FHOD3: variants seen among roughly 807,000 people sequenced by gnomAD.
FHOD3 encodes FH1/FH2 domain-containing protein 3.
In FHOD3, 90 loss-of-function variants were observed where a neutral mutation model predicts 173.0. The observed-to-expected ratio is 0.52, with a 90% CI of 0.44 to 0.62. The LOEUF is 0.62. FHOD3 is among the 20% of genes least tolerant of loss of function. FHOD3 has a pLI of 0.00. For synonymous variants in FHOD3, 828 were observed against 823.0 expected (o/e 1.01, Z -0.10); for missense variants, 1,945 against 2,034.7 (o/e 0.96, Z 0.85).
At chr18:36,522,525 A>G (rs1001373833) in intron 5 of FHOD3, among the ~76,000 whole-genome samples, 2 of 152,264 alleles carry the variant, frequency 1.3e-5, no homozygotes, top group South Asian at 2.1e-4. Flanking sequence ...GATAAAATAC[A>G]TGCAAATATG....
chr18:36,717,951 G>A lies in FHOD3; in HGVS notation c.2653G>A (p.Glu885Lys), dbSNP rs750988072. Residue 885 changes from glutamate (E) to lysine (K), a missense_variant, in exon 19 of 29, where the codon GAG becomes AAG. Coordinates refer to ENST00000590592, the MANE Select transcript of FHOD3 (RefSeq NM_001281740.3). ...CCATAACAGGAAGTCTCCGGATGAT[G>A]AGGAGAAGGGGGATGGGGAGGCTGG... is the stretch of plus-strand genomic sequence containing the variant. ...YAHNRKSPDD[E>K]EKGDGEAGRT... 6 of 1,614,078 alleles carry A rather than the reference G, an allele frequency of 3.7e-6. No individual in the cohort carries two copies. In the Admixed American group the frequency reaches 8.3e-5, roughly 22 times the overall value.
At chr18:36,491,920 A>G (rs577906745) in intron 3 of FHOD3, among the ~76,000 whole-genome samples, 1 of 152,324 alleles carries the variant, frequency 6.6e-6, no homozygotes, top group East Asian at 1.9e-4. Flanking sequence ...AGTTTTAGCC[A>G]TTATGAATAT....
intron 5 of FHOD3, among the ~76,000 whole-genome samples, chr18:36,566,666 G>T (rs1049892959): frequency 2.6e-5 from 4 of 152,166 alleles, no homozygotes; most frequent in Non-Finnish European, 4.4e-5. Context: ...CATCAAAGGC[G>T]GGAGACCAGC....
intron 3 of FHOD3, among the ~76,000 whole-genome samples, chr18:36,456,033 A>G (rs542605596): frequency 1.3e-3 from 197 of 152,186 alleles, no homozygotes; most frequent in South Asian, 4.8e-3. Flanking sequence ...GTCCCCTGAC[A>G]TTTACATCTA....
At chr18:36,652,490 G>A (rs2036126354) in intron 11 of FHOD3, 80 bp from the exon 12 acceptor site, 1 of 1,439,468 alleles carries the variant, frequency 6.9e-7, no homozygotes, top group Middle Eastern at 2.6e-4. Flanking sequence ...CTTTTTGCCT[G>A]TCTCTCTTTT....
intron 5 of FHOD3, among the ~76,000 whole-genome samples, chr18:36,568,414 T>C (rs2058347686): frequency 1.6e-5 from 2 of 127,806 alleles, no homozygotes; most frequent in Admixed American, 8.4e-5. Flanking sequence ...AGGAATATAA[T>C]GGAGAAGGAG....
intron 3 of FHOD3, among the ~76,000 whole-genome samples, chr18:36,489,544 C>T (rs770777416): frequency 6.6e-6 from 1 of 152,084 alleles, no homozygotes; most frequent in African/African-American, 2.4e-5. Context: ...TGGTGGTAGA[C>T]ACCTGTGGTC....
intron 5 of FHOD3, among the ~76,000 whole-genome samples, chr18:36,548,532 G>C (rs1381492032): frequency 3.9e-5 from 6 of 152,138 alleles, no homozygotes. Flanking sequence ...CAAGATAGTG[G>C]CTGCATCCAG....
At chr18:36,744,379 C>T (rs1335423855) in intron 23 of FHOD3, among the ~76,000 whole-genome samples, 186 bp downstream of exon 23, 1 of 152,226 alleles carries the variant, frequency 6.6e-6, no homozygotes, top group Admixed American at 6.5e-5. Flanking sequence ...GATCTTTTTC[C>T]TATCTCTGGT....
intron 14 of FHOD3, among the ~76,000 whole-genome samples, chr18:36,670,499 T>G (rs1198726136): frequency 6.6e-6 from 1 of 152,190 alleles, no homozygotes. Flanking sequence ...TTATTTTTCT[T>G]CTGTGGTGAC....
intron 3 of FHOD3, among the ~76,000 whole-genome samples, chr18:36,401,023 C>T (rs1392501691): frequency 6.6e-6 from 1 of 152,152 alleles, no homozygotes; most frequent in Non-Finnish European, 1.5e-5. Flanking sequence ...GGGTGGATCA[C>T]TCTTGCATTC....
intron 3 of FHOD3, among the ~76,000 whole-genome samples, chr18:36,394,872 G>A (rs971024825): frequency 1.2e-4 from 19 of 152,156 alleles, no homozygotes; most frequent in African/African-American, 4.6e-4. Flanking sequence ...TGGGAGATAC[G>A]TGTTGTATAC....
At chr18:36,381,519 A>G (rs1250388058) in intron 3 of FHOD3, among the ~76,000 whole-genome samples, 1 of 152,102 alleles carries the variant, frequency 6.6e-6, no homozygotes, top group Admixed American at 6.5e-5. Flanking sequence ...GCCCGAGAGG[A>G]GGATGAGGGT....
intron 19 of FHOD3, among the ~76,000 whole-genome samples, chr18:36,725,008 G>A (rs910392607): frequency 5.3e-5 from 8 of 152,232 alleles, no homozygotes; most frequent in African/African-American, 1.9e-4. Context: ...AAAGCAGCAT[G>A]TTCAGAGATG....
At chr18:36,590,837 G>A (rs1882726482) in intron 6 of FHOD3, among the ~76,000 whole-genome samples, 1 of 152,228 alleles carries the variant, frequency 6.6e-6, no homozygotes, top group African/African-American at 2.4e-5. Flanking sequence ...AGAGCCACAT[G>A]TAGGAGAATG....
rs556030646 is a variant in FHOD3 at position 36,483,261 on chromosome 18, C to A, written c.338-18671C>A. Reference sequence around the variant, plus strand: ...GGTATGTCCTGAGCCCAGGACTAAGCCAGCAGAAAAGTGTGGCTGATGGAG... The same window carrying A: ...GGTATGTCCTGAGCCCAGGACTAAGACAGCAGAAAAGTGTGGCTGATGGAG... On this transcript the variant is annotated intron_variant, in intron 3 of 28. Coordinates refer to ENST00000590592, the MANE Select transcript of FHOD3 (RefSeq NM_001281740.3). Among the ~76,000 whole-genome samples the A allele has an allele frequency of 2.0e-5, 3 of 152,276 alleles. No homozygotes were observed. The East Asian group carries it at 5.8e-4, about 29-fold the overall frequency.
At chr18:36,586,401 C>T (rs2059027895) in intron 6 of FHOD3, among the ~76,000 whole-genome samples, 1 of 152,176 alleles carries the variant, frequency 6.6e-6, no homozygotes, top group African/African-American at 2.4e-5. Flanking sequence ...TTTCATTCTG[C>T]ATATACTATC....
chr18:36,394,138 T>C (rs1478822625), intron 3 of FHOD3, among the ~76,000 whole-genome samples: 1 of 152,104 alleles, frequency 6.6e-6, no homozygotes, highest in Non-Finnish European at 1.5e-5. Flanking sequence ...GTGAGAAATA[T>C]CAGGCTGAGT....
At chr18:36,777,608 TAACA>T (rs1334989640) in intron 28 of FHOD3, 3 of 152,232 alleles carry the variant, frequency 2.0e-5, no homozygotes, top group African/African-American at 4.8e-5. Context: ...TATCTTTCTT[TAACA>T]AACACTCTAA....
Sources: gnomAD v4.1 joint callset for allele counts (sites outside exome capture counted in the v4.1 genomes callset) on GRCh38, gnomAD v4.1.1 for gene constraint, MANE v1.5 for transcripts, NCBI Gene and HGNC (gene_info 2026-07-23, HGNC 2026-07-21) for gene names.